PRELID2: variants seen among roughly 807,000 people sequenced by gnomAD.
The protein encoded by PRELID2 is PRELI domain containing 2.
PRELID2 carries 25 observed loss-of-function variants against 28.4 expected under a neutral mutation model. The ratio of observed to expected loss-of-function variants is 0.88; its 90% CI spans 0.64 to 1.23. The LOEUF (loss-of-function observed/expected upper bound fraction) is 1.23, where lower values mean the gene tolerates loss of function less well. Among genes scored for constraint, PRELID2 ranks in the 50% most tolerant of loss-of-function variants. The pLI is 0.00. For missense variants in PRELID2, 201 were observed against 214.4 expected (o/e 0.94, Z 0.39); for synonymous variants, 76 against 71.6 (o/e 1.06, Z -0.31).
Position 145,696,420 on chromosome 5 carries a change from A to G in PRELID2, n.70+68511T>C, listed in dbSNP as rs7738007. ...CGTTCGTTCATTCATTAATTTATTC[A>G]CCAATATGTCTTTGACCTACCTAAA... On this transcript the variant is annotated intron_variant and non_coding_transcript_variant, in intron 1 of 2. Transcript: ENST00000510259. Among the ~76,000 whole-genome samples the G allele has an allele frequency of 9.0e-3, 1,371 of 152,082 alleles. 18 individuals carry two copies. Among genetic ancestry groups the G allele is most frequent in the African/African-American group, 0.03 (1,251 of 41,488 alleles).
At chr5:145,255,374 C>G in the PRELID2 span, among the ~76,000 whole-genome samples, 2 of 151,624 alleles carry the variant, frequency 1.3e-5, no homozygotes, top group African/African-American at 2.4e-5. Flanking sequence ...TAAAACTATA[C>G]TAAAAAGAAA....
chr5:145,656,907 A>C (rs1754406175), intron 1 of PRELID2, among the ~76,000 whole-genome samples: 1 of 152,184 alleles, frequency 6.6e-6, no homozygotes, highest in Admixed American at 6.5e-5. Flanking sequence ...ATGATAAAAA[A>C]TAAATAAATA....
intron 1 of PRELID2, among the ~76,000 whole-genome samples, chr5:145,474,153 A>G (rs1444402185): frequency 1.3e-5 from 2 of 152,222 alleles, no homozygotes; most frequent in East Asian, 3.8e-4. Context: ...GAGAATACTA[A>G]TAAGTAACAA....
chr5:145,420,433 G>A, the PRELID2 span, among the ~76,000 whole-genome samples: 25 of 150,522 alleles, frequency 1.7e-4, no homozygotes, highest in East Asian at 2.1e-3. Flanking sequence ...AGTTCTCCTT[G>A]AAGAGGTCCT....
chr5:145,338,336 C>T, the PRELID2 span: 1 of 152,176 alleles, frequency 6.6e-6, no homozygotes, highest in Non-Finnish European at 1.5e-5. Context: ...TTGCAACATA[C>T]TTCCTTGTAG....
At position 145,650,785 on chromosome 5, in the gene PRELID2, A is replaced by C. The variant is rs141806223; in HGVS notation, n.70+114146T>G. On this transcript the variant is annotated intron_variant and non_coding_transcript_variant, in intron 1 of 2. Coordinates refer to the PRELID2 transcript ENST00000510259. ...TGAAAATGACACAGACTTGGTTCCA[A>C]GATGGCTGAATAGGAACAGCTTCAG... is the stretch of plus-strand genomic sequence containing the variant. 1.6e-3 allele frequency among the ~76,000 whole-genome samples: 247 copies of C among 152,180 alleles called. 2 individuals are homozygous for C. In the East Asian group the frequency reaches 0.025, roughly 16 times the overall value.
chr5:145,476,476 C>A (rs1752102693), intron 1 of PRELID2, among the ~76,000 whole-genome samples: 1 of 152,086 alleles, frequency 6.6e-6, no homozygotes, highest in African/African-American at 2.4e-5. Context: ...GAAACTCTAT[C>A]TCTACTAAAC....
intron 1 of PRELID2, among the ~76,000 whole-genome samples, chr5:145,528,748 GAGAGTA>G (rs1407535885): frequency 9.7e-4 from 146 of 150,788 alleles, no homozygotes; most frequent in African/African-American, 3.3e-3. Flanking sequence ...GAGAGAGAGA[GAGAGTA>G]AGTCACTCTC....
At chr5:145,330,082 T>G in the PRELID2 span, among the ~76,000 whole-genome samples, 1 of 152,192 alleles carries the variant, frequency 6.6e-6, no homozygotes, top group Admixed American at 6.5e-5. Flanking sequence ...TGTTTTTTGA[T>G]TTGTGTACGT....
chr5:145,690,537 G>A (rs1440422656), intron 1 of PRELID2, among the ~76,000 whole-genome samples: 1 of 152,132 alleles, frequency 6.6e-6, no homozygotes, highest in African/African-American at 2.4e-5. Context: ...ACCACAAGAG[G>A]CAAGCTTGTT....
At chr5:145,418,643 G>T in the PRELID2 span, among the ~76,000 whole-genome samples, 1 of 152,192 alleles carries the variant, frequency 6.6e-6, no homozygotes, top group African/African-American at 2.4e-5. Context: ...AATGGGGAAA[G>T]AATTCCCTAT....
chr5:145,446,549 A>G, the PRELID2 span, among the ~76,000 whole-genome samples: 1 of 152,122 alleles, frequency 6.6e-6, no homozygotes, highest in African/African-American at 2.4e-5. Context: ...CCAAGAACCT[A>G]TGTAAGTTTA....
At chr5:145,550,007 G>A (rs1310532476) in intron 1 of PRELID2, among the ~76,000 whole-genome samples, 5 of 152,174 alleles carry the variant, frequency 3.3e-5, no homozygotes, top group Non-Finnish European at 7.4e-5. Flanking sequence ...GGGTGGGAAG[G>A]CAGGGACTGG....
intron 4 of PRELID2, among the ~76,000 whole-genome samples, chr5:145,800,307 C>CAT (rs1753046075): frequency 6.7e-6 from 1 of 148,902 alleles, no homozygotes; most frequent in South Asian, 2.1e-4. Context: ...CTCTTACACA[C>CAT]ACACACACAC....
At chr5:145,378,926 T>C in the PRELID2 span, among the ~76,000 whole-genome samples, 1 of 152,196 alleles carries the variant, frequency 6.6e-6, no homozygotes, top group African/African-American at 2.4e-5. Flanking sequence ...CTTATCTACC[T>C]TCAATCTTTG....
At chr5:145,690,567 T>C (rs1005626842) in intron 1 of PRELID2, among the ~76,000 whole-genome samples, 4 of 152,126 alleles carry the variant, frequency 2.6e-5, no homozygotes, top group Admixed American at 6.5e-5. Context: ...GGATGCTACA[T>C]CAACATGGAG....
At chr5:145,638,165 T>A (rs929833057) in intron 1 of PRELID2, among the ~76,000 whole-genome samples, 1 of 152,190 alleles carries the variant, frequency 6.6e-6, no homozygotes, top group African/African-American at 2.4e-5. Context: ...AGTACTATTA[T>A]TGATATTGGT....
downstream of PRELID2, among the ~76,000 whole-genome samples, chr5:145,470,638 A>G (rs1752045974): frequency 6.6e-6 from 1 of 152,136 alleles, no homozygotes; most frequent in African/African-American, 2.4e-5. Flanking sequence ...CCCATCTGTT[A>G]TAAGCTGGGT....
chr5:145,412,516 GTC>G, the PRELID2 span, among the ~76,000 whole-genome samples: 1 of 152,130 alleles, frequency 6.6e-6, no homozygotes, highest in Non-Finnish European at 1.5e-5. Flanking sequence ...CATTTAACAA[GTC>G]TCTAGGACAT....
Sources: allele counts gnomAD v4.1 joint callset (sites outside exome capture counted in the v4.1 genomes callset), GRCh38; gene constraint gnomAD v4.1.1; transcripts MANE v1.5; gene names NCBI Gene and HGNC (gene_info 2026-07-23, HGNC 2026-07-21).